Variants in TMEM117 observed in about 807,000 individuals in gnomAD.
TMEM117 encodes transmembrane protein 117.
A neutral mutation model predicts 52.4 loss-of-function variants in TMEM117; 27 were observed. The observed-to-expected ratio is 0.51, with a 90% confidence interval of 0.38 to 0.71. The LOEUF (loss-of-function observed/expected upper bound fraction) is 0.71, where lower values mean the gene tolerates loss of function less well. Ranked by LOEUF, TMEM117 falls within the 30% of genes least tolerant of loss-of-function variation. The pLI, the probability that TMEM117 is intolerant of heterozygous loss-of-function variation, is 0.00. For missense variants in TMEM117, 556 were observed against 630.5 expected, an observed-to-expected ratio of 0.88 and a Z score of 1.26; for synonymous variants, 215 against 206.3, an observed-to-expected ratio of 1.04 and a Z score of -0.36.
intron 6 of TMEM117, among the ~76,000 whole-genome samples, chr12:44,332,834 A>G (rs898246465): frequency 6.6e-6 from 1 of 151,944 alleles, no homozygotes; most frequent in Admixed American, 6.6e-5. Context: ...CAGCATTTTC[A>G]TAGTAAGTAT....
chr12:44,121,608 T>C (rs1948236013), intron 3 of TMEM117, among the ~76,000 whole-genome samples: 1 of 152,222 alleles, frequency 6.6e-6, no homozygotes, highest in East Asian at 1.9e-4. Flanking sequence ...AATTACATAT[T>C]AATTATTTAT....
chr12:44,278,192 G>C (rs1950538435), intron 5 of TMEM117, among the ~76,000 whole-genome samples: 1 of 152,118 alleles, frequency 6.6e-6, no homozygotes, highest in Non-Finnish European at 1.5e-5. Context: ...GCCATGTAAG[G>C]TAACACAATC....
At chr12:43,929,847 C>G (rs1028921156) in intron 2 of TMEM117, among the ~76,000 whole-genome samples, 1 of 152,012 alleles carries the variant, frequency 6.6e-6, no homozygotes, top group African/African-American at 2.4e-5. Context: ...TTTCTGACTT[C>G]TACGTTATAA....
chr12:43,870,205 T>TTGTGAATAGTGCTGCAGTGAACA (rs1230590052), intron 2 of TMEM117, among the ~76,000 whole-genome samples: 1 of 152,106 alleles, frequency 6.6e-6, no homozygotes, highest in Non-Finnish European at 1.5e-5. Flanking sequence ...GCCTTTGCTT[T>TTGTGAATAGTGCTGCAGTGAACA]TGTGAATAGT....
At chr12:44,107,066 A>G (rs1410139845) in intron 3 of TMEM117, among the ~76,000 whole-genome samples, 1 of 152,058 alleles carries the variant, frequency 6.6e-6, no homozygotes, top group Non-Finnish European at 1.5e-5. Context: ...AAAACGAACA[A>G]TACTCAATTT....
At chr12:43,995,874 C>T (rs1311339772) in intron 3 of TMEM117, among the ~76,000 whole-genome samples, 1 of 152,178 alleles carries the variant, frequency 6.6e-6, no homozygotes, top group Non-Finnish European at 1.5e-5. Context: ...TCTGAAAACT[C>T]CTTGTTCTGG....
At chr12:44,240,374 A>T (rs79725038) in intron 5 of TMEM117, among the ~76,000 whole-genome samples, 2,655 of 152,186 alleles carry the variant, frequency 0.017, 63 homozygotes, top group East Asian at 0.056. Context: ...ACTTTCATTT[A>T]TACCCTGTTG....
the TMEM117 span, among the ~76,000 whole-genome samples, chr12:44,395,247 C>T: frequency 2.3e-3 from 344 of 152,268 alleles, 1 homozygote; most frequent in African/African-American, 7.8e-3. Flanking sequence ...CACTAGAAAA[C>T]TCAGAGGCTC....
intron 6 of TMEM117, among the ~76,000 whole-genome samples, chr12:44,369,630 G>A (rs1242969148): frequency 6.6e-6 from 1 of 152,070 alleles, no homozygotes; most frequent in Non-Finnish European, 1.5e-5. Context: ...AGAGTTCATT[G>A]CTGTATTAGA....
intron 3 of TMEM117, among the ~76,000 whole-genome samples, chr12:44,003,411 A>G (rs970576594): frequency 6.6e-6 from 1 of 152,152 alleles, no homozygotes; most frequent in African/African-American, 2.4e-5. Flanking sequence ...TGAATTCCTG[A>G]CTTCCAACCT....
intron 3 of TMEM117, among the ~76,000 whole-genome samples, chr12:44,071,537 C>A (rs898975107): frequency 6.6e-6 from 1 of 152,070 alleles, no homozygotes; most frequent in African/African-American, 2.4e-5. Context: ...ATTACAATGT[C>A]TATTTTACAG....
chr12:44,088,434 A>C (rs1012787582), intron 3 of TMEM117, among the ~76,000 whole-genome samples: 1 of 152,212 alleles, frequency 6.6e-6, no homozygotes, highest in Admixed American at 6.5e-5. Flanking sequence ...ATTAACTCAG[A>C]TCTTCTAATT....
chr12:44,391,274 A>G (rs1033669556), downstream of TMEM117, among the ~76,000 whole-genome samples: 1 of 152,162 alleles, frequency 6.6e-6, no homozygotes, highest in Non-Finnish European at 1.5e-5. Flanking sequence ...ATATACACTT[A>G]GACATAAATC....
chr12:44,188,493 T>A (rs745556678), intron 4 of TMEM117, among the ~76,000 whole-genome samples: 10 of 152,198 alleles, frequency 6.6e-5, no homozygotes, highest in Non-Finnish European at 1.2e-4. Flanking sequence ...CAAAGGAGGT[T>A]CTTGTCAGGT....
chr12:44,191,865 C>T (rs1469049317), intron 4 of TMEM117, among the ~76,000 whole-genome samples: 1 of 151,970 alleles, frequency 6.6e-6, no homozygotes, highest in African/African-American at 2.4e-5. Context: ...TAATAGAATA[C>T]ATTCAATGTG....
At chr12:43,926,150 CT>C (rs1190700952) in intron 2 of TMEM117, among the ~76,000 whole-genome samples, 2 of 152,180 alleles carry the variant, frequency 1.3e-5, no homozygotes, top group African/African-American at 4.8e-5. Context: ...TGTCAAGGAA[CT>C]TTTGTACTTT....
At chr12:44,159,085 G>T (rs1358724519) in intron 4 of TMEM117, among the ~76,000 whole-genome samples, 1 of 152,132 alleles carries the variant, frequency 6.6e-6, no homozygotes, top group Non-Finnish European at 1.5e-5. Context: ...TGGAGATGGG[G>T]GCGGCAAATG....
intron 3 of TMEM117, among the ~76,000 whole-genome samples, chr12:44,039,580 A>G (rs1532218): frequency 0.095 from 14,473 of 151,964 alleles, 1,083 homozygotes; most frequent in African/African-American, 0.2. Context: ...ATAAAGTTAC[A>G]GATTTTATGA....
intron 4 of TMEM117, among the ~76,000 whole-genome samples, chr12:44,152,507 CAT>C (rs1491178365): frequency 1.3e-4 from 14 of 105,214 alleles, no homozygotes; most frequent in African/African-American, 4.4e-4. Context: ...ATAATTATAT[CAT>C]ATATAAATTT....
Sources: gnomAD v4.1 joint callset for allele counts (sites outside exome capture counted in the v4.1 genomes callset) on GRCh38, gnomAD v4.1.1 for gene constraint, MANE v1.5 for transcripts, NCBI Gene and HGNC (gene_info 2026-07-23, HGNC 2026-07-21) for gene names.